The following SETX variants were observed in gnomAD, a reference collection of about 807,000 sequenced individuals.
SETX encodes the protein helicase senataxin.
SETX carries 90 observed loss-of-function variants against 227.2 expected under a neutral mutation model. The ratio of observed to expected loss-of-function variants is 0.40; its 90% confidence interval spans 0.33 to 0.47. The LOEUF is 0.47. SETX is among the 20% of genes least tolerant of loss of function. SETX has a pLI of 0.91. For synonymous variants in SETX, 1,210 were observed against 1,113.2 expected (o/e 1.09, Z -1.73); for missense variants, 3,052 against 3,181.5 (o/e 0.96, Z 0.98).
In SETX at chr9:132,263,764, T is replaced by G. The variant is rs60760878; in HGVS notation, c.*475A>C. On this transcript the variant is annotated 3_prime_UTR_variant, in exon 26 of 26. Coordinates refer to ENST00000224140, the MANE Select transcript of SETX (RefSeq NM_015046.7). ...CAAGCTAGGCTGTTAAATAATTATC[T>G]GTCTTGCTCTAACAATGGTTGAAAG... is the stretch of plus-strand genomic sequence containing the variant. The G allele has an allele frequency of 3.8e-3, 640 of 166,656 alleles. 3 individuals are homozygous for G. The highest frequency in any genetic ancestry group is 0.015 in the African/African-American group (618 of 41,428). 10.3% of individuals were successfully genotyped at this position (166,656 alleles called of 1,614,324 possible).
chr9:132,297,645 G>A (rs944491589), intron 13 of SETX, among the ~76,000 whole-genome samples: 1 of 152,204 alleles, frequency 6.6e-6, no homozygotes, highest in African/African-American at 2.4e-5. Context: ...CAGCTCTAGA[G>A]TTTCTAAATA....
chr9:132,348,857 G>A (rs1848454332), intron 3 of SETX, among the ~76,000 whole-genome samples: 1 of 152,164 alleles, frequency 6.6e-6, no homozygotes, highest in Non-Finnish European at 1.5e-5. Flanking sequence ...GAGTCCAGAA[G>A]GTTGAGGCTG....
At chr9:132,303,441 GA>G (rs1014050235) in intron 11 of SETX, among the ~76,000 whole-genome samples, 55 of 130,140 alleles carry the variant, frequency 4.2e-4, no homozygotes, top group Non-Finnish European at 4.8e-4. Flanking sequence ...ATAAAATTTA[GA>G]AAAAAAAAAA....
intron 24 of SETX, among the ~76,000 whole-genome samples, chr9:132,271,289 C>T (rs1440684268): frequency 6.6e-6 from 1 of 152,148 alleles, no homozygotes; most frequent in East Asian, 1.9e-4. Flanking sequence ...CAAGGCCGGG[C>T]GCAGTGACTC....
intron 23 of SETX, among the ~76,000 whole-genome samples, chr9:132,272,731 A>G (rs1348381478): frequency 3.9e-5 from 6 of 152,268 alleles, no homozygotes; most frequent in African/African-American, 1.2e-4. Context: ...TTTCACATAA[A>G]TGGAATTACA....
chr9:132,321,241 C>T (rs914510741), intron 10 of SETX, among the ~76,000 whole-genome samples: 5 of 152,056 alleles, frequency 3.3e-5, no homozygotes, highest in Non-Finnish European at 7.4e-5. Context: ...ATTGGGAGGC[C>T]GGGCGCGGTG....
chr9:132,312,713 G>A (rs1314418674), intron 10 of SETX, among the ~76,000 whole-genome samples: 1 of 152,166 alleles, frequency 6.6e-6, no homozygotes, highest in Non-Finnish European at 1.5e-5. Flanking sequence ...TCTGGACCAT[G>A]ATAGTCATGA....
chr9:132,296,388 A>C (rs1178834490), intron 14 of SETX, among the ~76,000 whole-genome samples: 2 of 152,028 alleles, frequency 1.3e-5, no homozygotes, highest in African/African-American at 4.8e-5. Flanking sequence ...CCCCATCTCT[A>C]CTAAAAATAC....
chr9:132,293,286 A>G (rs1173542218), intron 15 of SETX, among the ~76,000 whole-genome samples: 1 of 152,238 alleles, frequency 6.6e-6, no homozygotes, highest in African/African-American at 2.4e-5. Flanking sequence ...CACAAAACCC[A>G]GAAGCATTAT....
At chr9:132,351,771 T>A (rs924137950) in intron 2 of SETX, among the ~76,000 whole-genome samples, 3 of 152,244 alleles carry the variant, frequency 2.0e-5, no homozygotes, top group Non-Finnish European at 4.4e-5. Flanking sequence ...TAAGCTTTTA[T>A]ACAACTCAGT....
intron 18 of SETX, among the ~76,000 whole-genome samples, chr9:132,284,805 G>A (rs2131222037): frequency 6.6e-6 from 1 of 151,512 alleles, no homozygotes; most frequent in South Asian, 2.1e-4. Flanking sequence ...GCTCACAGTT[G>A]CCACCCTCAT....
rs549187826 is a variant in SETX at position 132,275,512 on chromosome 9, T to C, written c.6936-92A>G. The C allele has an allele frequency of 9.8e-6, 11 of 1,126,100 alleles. 1 individual carries two copies. The highest frequency in any genetic ancestry group is 4.1e-5 in the South Asian group (3 of 73,700). The allele number at this position is 1,126,100 out of a possible 1,614,324, so 69.8% of individuals were successfully genotyped here. A position where few individuals can be genotyped will look rare whatever the true frequency, so the allele number is the denominator to read the frequency against. ...GTTCCACTGAGTTTGTTTCCCATTATAGTAAAGGGCAGGCAGATAGGCTTC... is the reference window on the plus strand; with the variant it reads ...GTTCCACTGAGTTTGTTTCCCATTACAGTAAAGGGCAGGCAGATAGGCTTC... On this transcript the variant is annotated intron_variant, in intron 22 of 25. Transcript: ENST00000224140.
Position 132,327,515 on chromosome 9 carries a change from AT to A in SETX, c.4082del (p.Asn1361IlefsTer53). The A allele has an allele frequency of 6.2e-7, 1 of 1,613,972 alleles. No individual in the cohort carries two copies. Among genetic ancestry groups the A allele is most frequent in the Middle Eastern group, 1.6e-4 (1 of 6,062 alleles). Reference sequence around the variant, plus strand: ...TTTCACAATCAGAAAGTCTTCGTCTATTTTTTTGTGATTTGGGTCTGATCTG... The same window carrying A: ...TTTCACAATCAGAAAGTCTTCGTCTATTTTTTGTGATTTGGGTCTGATCTG... The part of the protein sequence containing the change: ...QRQIRPKSQK[N>X]RRRLSDCEST... On this transcript the variant is annotated frameshift_variant, in exon 10 of 26. Coordinates refer to ENST00000224140, the MANE Select transcript of SETX (RefSeq NM_015046.7). LOFTEE classifies it high-confidence loss of function.
At chr9:132,331,632 A>G (rs552719544) in intron 7 of SETX, among the ~76,000 whole-genome samples, 184 bp from the exon 8 acceptor site, 13 of 151,864 alleles carry the variant, frequency 8.6e-5, no homozygotes, top group African/African-American at 3.1e-4. Context: ...AAGCAGCCAC[A>G]TTTTCAAGAT....
chr9:132,267,553 C>A (rs1842706588), intron 25 of SETX, among the ~76,000 whole-genome samples: 1 of 152,116 alleles, frequency 6.6e-6, no homozygotes, highest in Admixed American at 6.5e-5. Context: ...CAAATGAATC[C>A]CCAAAACAAC....
chr9:132,325,105 C>A (rs564973409), intron 10 of SETX, among the ~76,000 whole-genome samples: 1 of 152,276 alleles, frequency 6.6e-6, no homozygotes, highest in East Asian at 1.9e-4. Flanking sequence ...GCCTGTAATC[C>A]CAGCACTTTG....
rs775881246 is a variant in SETX at position 132,275,289 on chromosome 9, T to C, written c.7067A>G (p.Gln2356Arg). ...THYKAQKTMI[Q>R]KDLDKEFDRK... is the part of the protein sequence containing the mutation. ...ATCGAACTCTTTGTCCAAATCCTTC[T>C]GAATCATCGTCTTCTGGGCCTTGTA... The change falls in exon 23 of 26, where the codon CAG becomes CGG. Residue 2356 changes from glutamine to arginine, a missense_variant. Transcript: ENST00000224140. 1.2e-6 allele frequency: 2 copies of C among 1,614,058 alleles called. No individual in the cohort carries two copies. The highest frequency in any genetic ancestry group is 2.2e-5 in the East Asian group (1 of 44,882).
At chr9:132,352,629 T>C (rs968706693) in intron 2 of SETX, among the ~76,000 whole-genome samples, 9 of 152,202 alleles carry the variant, frequency 5.9e-5, no homozygotes, top group Non-Finnish European at 1.0e-4. Flanking sequence ...TATGCACCTG[T>C]AGTCGCAGCT....
chr9:132,336,597 CTCTGCATATTT>C, intron 5 of SETX, 82 bp from the exon 6 acceptor site: 1 of 1,012,556 alleles, frequency 9.9e-7, no homozygotes, highest in African/African-American at 1.6e-5. Context: ...AAACAGGATT[CTCTGCATATTT>C]TAAAAGACAT....
Sources: allele counts gnomAD v4.1 joint callset (sites outside exome capture counted in the v4.1 genomes callset), GRCh38; gene constraint gnomAD v4.1.1; transcripts MANE v1.5; gene names NCBI Gene and HGNC (gene_info 2026-07-23, HGNC 2026-07-21).